The following WLS variants were observed in gnomAD, a reference collection of about 807,000 sequenced individuals.
The protein encoded by WLS is Wnt ligand secretion mediator, also known as protein wntless homolog.
In WLS, 23 loss-of-function variants were observed where a neutral mutation model predicts 62.8. That is an observed-to-expected ratio of 0.37 (90% CI 0.26 to 0.52). The LOEUF (loss-of-function observed/expected upper bound fraction) is 0.52. Ranked by LOEUF, WLS falls within the 20% of genes least tolerant of loss-of-function variation. WLS has a pLI of 0.92. For synonymous variants in WLS, 246 were observed against 244.1 expected (o/e 1.01, Z -0.07); for missense variants, 615 against 697.3 (o/e 0.88, Z 1.33).
intron 11 of WLS, among the ~76,000 whole-genome samples, chr1:68,129,633 C>T (rs1033739065): frequency 3.9e-5 from 6 of 152,164 alleles, no homozygotes; most frequent in East Asian, 1.9e-4. Flanking sequence ...GCCAACTGTT[C>T]CCCCTTGGGG....
intron 1 of WLS, among the ~76,000 whole-genome samples, chr1:68,206,368 G>A (rs987427487): frequency 3.9e-5 from 6 of 152,172 alleles, no homozygotes; most frequent in African/African-American, 7.2e-5. Flanking sequence ...AAGGAAATCT[G>A]AGATCAATAA....
At chr1:68,231,870 GGGC>G (rs778067411) in intron 1 of WLS, 144 of 232,890 alleles carry the variant, frequency 6.2e-4, no homozygotes, top group South Asian at 1.2e-3. Context: ...GGGGGGGGGG[GGGC>G]GAGCAATCAA....
intron 2 of WLS, among the ~76,000 whole-genome samples, chr1:68,191,394 C>T (rs1648293853): frequency 1.3e-5 from 2 of 152,126 alleles, no homozygotes; most frequent in Non-Finnish European, 2.9e-5. Context: ...AATGCTAAAA[C>T]CCAAACCTGC....
chr1:68,229,715 C>CAA (rs57287522), intron 1 of WLS, among the ~76,000 whole-genome samples: 7,063 of 150,946 alleles, frequency 0.047, 183 homozygotes, highest in African/African-American at 0.064. Flanking sequence ...GATTTAAGAG[C>CAA]AAAAAAAAAT....
At chr1:68,226,771 G>A (rs554842000) in intron 1 of WLS, among the ~76,000 whole-genome samples, 3 of 152,198 alleles carry the variant, frequency 2.0e-5, no homozygotes, top group Admixed American at 1.3e-4. Flanking sequence ...TTGCAAATCA[G>A]GCAAGTAGCA....
chr1:68,190,983 G>A (rs1174874567), intron 2 of WLS, among the ~76,000 whole-genome samples: 6 of 151,468 alleles, frequency 4.0e-5, no homozygotes, highest in Admixed American at 6.6e-5. Flanking sequence ...TCTTGATCAC[G>A]GGAGGTGGAG....
intron 11 of WLS, among the ~76,000 whole-genome samples, chr1:68,117,193 C>CT (rs1646303716): frequency 6.6e-6 from 1 of 152,208 alleles, no homozygotes; most frequent in South Asian, 2.1e-4. Context: ...CACTCCCAAA[C>CT]TTTATCTGTA....
At chr1:68,216,931 T>C (rs964406974) in intron 1 of WLS, among the ~76,000 whole-genome samples, 3 of 152,236 alleles carry the variant, frequency 2.0e-5, no homozygotes, top group African/African-American at 7.2e-5. Context: ...AGTTCTTTGT[T>C]GGTAGGGCTG....
intron 1 of WLS, among the ~76,000 whole-genome samples, chr1:68,214,308 C>T (rs1199882342): frequency 6.6e-6 from 1 of 151,948 alleles, no homozygotes; most frequent in Non-Finnish European, 1.5e-5. Context: ...CTTATTTCAT[C>T]AAAATAAGCT....
At chr1:68,100,585 A>G (rs1646064029) in intron 11 of WLS, 1 of 152,164 alleles carries the variant, frequency 6.6e-6, no homozygotes, top group Non-Finnish European at 1.5e-5. Context: ...TAGAAATTAA[A>G]ATTGAATTGT....
In WLS at chr1:68,208,757, C is replaced by T. The variant is rs956416695; in HGVS notation, c.107-14530G>A. Reference sequence around the variant, plus strand: ...GAGAGGTGCAAACACATCATGCAAACGTTAGGCAGAATTTATTGTGTTCAT... The same window carrying T: ...GAGAGGTGCAAACACATCATGCAAATGTTAGGCAGAATTTATTGTGTTCAT... On this transcript the variant is annotated intron_variant, in intron 1 of 11. Coordinates refer to ENST00000262348, the MANE Select transcript of WLS (RefSeq NM_024911.7). Among the ~76,000 whole-genome samples the T allele has an allele frequency of 3.3e-5, 5 of 152,078 alleles. No homozygotes were observed. The East Asian group carries it at 5.8e-4, about 18-fold the overall frequency.
intron 11 of WLS, among the ~76,000 whole-genome samples, chr1:68,100,287 G>A (rs552227995): frequency 2.0e-5 from 3 of 152,208 alleles, no homozygotes; most frequent in South Asian, 2.1e-4. Flanking sequence ...CCAATATCTC[G>A]GCCTGGAGCT....
At chr1:68,104,793 G>A (rs912068549) in intron 11 of WLS, among the ~76,000 whole-genome samples, 1 of 152,174 alleles carries the variant, frequency 6.6e-6, no homozygotes, top group African/African-American at 2.4e-5. Flanking sequence ...GGTGGTGCAT[G>A]CCTGTAGCCC....
intron 3 of WLS, among the ~76,000 whole-genome samples, chr1:68,156,779 C>T (rs751966190): frequency 1.3e-5 from 2 of 152,138 alleles, no homozygotes; most frequent in Non-Finnish European, 2.9e-5. Context: ...CTCCCCTCCA[C>T]TCCTTTCTCT....
intron 11 of WLS, among the ~76,000 whole-genome samples, chr1:68,135,892 A>C (rs1328333266): frequency 6.6e-6 from 1 of 152,210 alleles, no homozygotes; most frequent in Non-Finnish European, 1.5e-5. Context: ...TGTTTTTACT[A>C]GAAATGGAAA....
chr1:68,163,496 C>T (rs745910549), intron 2 of WLS, among the ~76,000 whole-genome samples: 2 of 152,074 alleles, frequency 1.3e-5, no homozygotes, highest in African/African-American at 2.4e-5. Context: ...GGGCCGCTCC[C>T]GAGCCACCTT....
intron 11 of WLS, among the ~76,000 whole-genome samples, chr1:68,105,305 C>T (rs1361020265): frequency 6.6e-6 from 1 of 152,116 alleles, no homozygotes; most frequent in East Asian, 1.9e-4. Context: ...CTTTGCATAA[C>T]CCTTTTGCAT....
chr1:68,198,399 C>T (rs745804298), intron 1 of WLS, among the ~76,000 whole-genome samples: 1 of 152,084 alleles, frequency 6.6e-6, no homozygotes, highest in Non-Finnish European at 1.5e-5. Context: ...TATTTTTGGC[C>T]TCCACTTTTC....
chr1:68,223,708 A>C (rs967920050), intron 1 of WLS, among the ~76,000 whole-genome samples: 1 of 152,196 alleles, frequency 6.6e-6, no homozygotes, highest in Admixed American at 6.5e-5. Context: ...AATCCCCATG[A>C]GGAAGGAGGG....
Sources: allele counts gnomAD v4.1 joint callset (sites outside exome capture counted in the v4.1 genomes callset), GRCh38; gene constraint gnomAD v4.1.1; transcripts MANE v1.5; gene names NCBI Gene and HGNC (gene_info 2026-07-23, HGNC 2026-07-21).